SHC4: variants seen among roughly 807,000 people sequenced by gnomAD.
SHC4 encodes the protein SHC adaptor protein 4, also known as SHC-transforming protein 4.
SHC4 carries 41 observed loss-of-function variants against 69.4 expected under a neutral mutation model. The observed-to-expected ratio is 0.59, with a 90% CI of 0.46 to 0.77. The LOEUF (loss-of-function observed/expected upper bound fraction) is 0.77, where lower values mean the gene tolerates loss of function less well. Among genes scored for constraint, SHC4 ranks in the 30% least tolerant of loss-of-function variants. The pLI is 0.00. For missense variants in SHC4, 777 were observed against 783.8 expected (o/e 0.99, Z 0.10); for synonymous variants, 318 against 299.3 (o/e 1.06, Z -0.64).
At chr15:48,894,359 A>G (rs777127440) in intron 2 of SHC4, among the ~76,000 whole-genome samples, 1 of 152,186 alleles carries the variant, frequency 6.6e-6, no homozygotes, top group Non-Finnish European at 1.5e-5. Flanking sequence ...TTCATTGTGC[A>G]CTTGATCGGA....
At chr15:48,934,034 T>C (rs2141029682) in intron 1 of SHC4, among the ~76,000 whole-genome samples, 1 of 152,270 alleles carries the variant, frequency 6.6e-6, no homozygotes, top group Non-Finnish European at 1.5e-5. Flanking sequence ...AATGGTTTCT[T>C]AGATATGACA....
At chr15:48,940,965 A>C (rs1901164614) in intron 1 of SHC4, among the ~76,000 whole-genome samples, 1 of 152,226 alleles carries the variant, frequency 6.6e-6, no homozygotes, top group Non-Finnish European at 1.5e-5. Flanking sequence ...TTTTACATGA[A>C]ACACAAGAGT....
At chr15:48,854,278 T>TCA (rs1899270026) in intron 8 of SHC4, among the ~76,000 whole-genome samples, 1 of 149,758 alleles carries the variant, frequency 6.7e-6, no homozygotes, top group Non-Finnish European at 1.5e-5. Context: ...ATATCACATA[T>TCA]CATATCAGAA....
chr15:48,869,929 G>A (rs970476760), intron 5 of SHC4, among the ~76,000 whole-genome samples: 3 of 152,094 alleles, frequency 2.0e-5, no homozygotes, highest in African/African-American at 7.2e-5. Context: ...TTTAATGTTT[G>A]TTTTTTATAG....
chr15:48,837,214 G>A (rs1000464900), intron 10 of SHC4, among the ~76,000 whole-genome samples: 29 of 152,196 alleles, frequency 1.9e-4, no homozygotes, highest in African/African-American at 6.0e-4. Flanking sequence ...GCAACGGATC[G>A]TGGGCCAACC....
chr15:48,831,697 T>C (rs937848086), intron 11 of SHC4, among the ~76,000 whole-genome samples: 6 of 152,218 alleles, frequency 3.9e-5, no homozygotes, highest in Admixed American at 2.6e-4. Flanking sequence ...CATTGTTAAG[T>C]GATATATGAC....
chr15:48,854,370 T>C (rs1361836161), intron 8 of SHC4, among the ~76,000 whole-genome samples: 1 of 152,224 alleles, frequency 6.6e-6, no homozygotes, highest in Non-Finnish European at 1.5e-5. Flanking sequence ...TTGGTAGGAA[T>C]GTAAACTAGT....
intron 1 of SHC4, among the ~76,000 whole-genome samples, chr15:48,932,839 G>A (rs1346035312): frequency 6.6e-6 from 1 of 151,966 alleles, no homozygotes; most frequent in African/African-American, 2.4e-5. Context: ...TAGCAAGAAT[G>A]GTGTCTGTTT....
At chr15:48,922,783 A>G (rs1450288956) in intron 2 of SHC4, among the ~76,000 whole-genome samples, 1 of 152,228 alleles carries the variant, frequency 6.6e-6, no homozygotes, top group Non-Finnish European at 1.5e-5. Flanking sequence ...CAGGATTGGA[A>G]GAAAAAATGT....
At chr15:48,863,205 G>A (rs1016298387) in intron 6 of SHC4, among the ~76,000 whole-genome samples, 2 of 151,938 alleles carry the variant, frequency 1.3e-5, no homozygotes, top group African/African-American at 4.8e-5. Flanking sequence ...AAGGCACCAA[G>A]AAGAAATAAA....
chr15:48,945,426 T>C (rs1261962851), intron 1 of SHC4, among the ~76,000 whole-genome samples: 2 of 152,132 alleles, frequency 1.3e-5, no homozygotes, highest in Non-Finnish European at 2.9e-5. Flanking sequence ...TGAATGTTCA[T>C]TATAGCACTA....
chr15:48,851,183 C>G lies in SHC4; in HGVS notation c.1303+5G>C. 6.2e-7 allele frequency: 1 copy of G among 1,613,582 alleles called. No homozygotes were observed. The highest frequency in any genetic ancestry group is 8.5e-7 in the Non-Finnish European group (1 of 1,179,610). ...GTGGCAGATGGAGAAGGGCATTGTA[C>G]CTACCTATTGCCCTGCTTTGTTCTA... is the stretch of plus-strand genomic sequence containing the variant. On this transcript the variant is annotated splice_donor_5th_base_variant and intron_variant, in intron 9 of 11. Transcript: ENST00000332408.
At chr15:48,880,424 ATTAG>A in intron 4 of SHC4, among the ~76,000 whole-genome samples, 1 of 152,266 alleles carries the variant, frequency 6.6e-6, no homozygotes, top group Admixed American at 6.5e-5. Context: ...GATGATGTAA[ATTAG>A]TGTGGGTGGG....
chr15:48,963,248 C>G lies in SHC4; in HGVS notation c.-233G>C. 1 of 489,580 alleles carries G rather than the reference C, an allele frequency of 2.0e-6. No individual in the cohort carries two copies. The highest frequency in any genetic ancestry group is 4.0e-5 in the South Asian group (1 of 25,298). 30.3% of individuals were successfully genotyped at this position (489,580 alleles called of 1,614,324 possible). A position where few individuals can be genotyped will look rare whatever the true frequency, so the allele number is the denominator to read the frequency against. ...TCTCTCCCTGGCCCAGGCAGAGGCA[C>G]CAGTGTTCTCGCCTTGGAATCCTTG... On this transcript the variant is annotated 5_prime_UTR_variant, in exon 1 of 12. Transcript: ENST00000332408.
chr15:48,848,907 T>C (rs899252765), intron 9 of SHC4, among the ~76,000 whole-genome samples: 1 of 152,052 alleles, frequency 6.6e-6, no homozygotes, highest in Non-Finnish European at 1.5e-5. Context: ...TTTCTAGTGG[T>C]AGTATTGTGA....
chr15:48,919,748 G>A (rs983842897), intron 2 of SHC4, among the ~76,000 whole-genome samples: 2 of 151,954 alleles, frequency 1.3e-5, no homozygotes, highest in African/African-American at 2.4e-5. Context: ...CCTCTCCTTA[G>A]ATAGGACTTC....
At chr15:48,843,663 G>A (rs553354349) in intron 9 of SHC4, 75 bp from the exon 10 acceptor site, 128 of 1,390,268 alleles carry the variant, frequency 9.2e-5, no homozygotes, top group Non-Finnish European at 1.1e-5. Flanking sequence ...TTTGAGTCTA[G>A]AATTGATAGA....
chr15:48,950,947 C>G (rs1901356006), intron 1 of SHC4, among the ~76,000 whole-genome samples: 2 of 152,066 alleles, frequency 1.3e-5, no homozygotes, highest in African/African-American at 2.4e-5. Context: ...TGACCAACCT[C>G]TCTCTCCTGG....
chr15:48,941,130 G>A (rs868581625), intron 1 of SHC4, among the ~76,000 whole-genome samples: 4 of 152,122 alleles, frequency 2.6e-5, no homozygotes, highest in Non-Finnish European at 4.4e-5. Flanking sequence ...GCATTTAAAG[G>A]GAAGGCAGAG....
Sources: allele counts gnomAD v4.1 joint callset (sites outside exome capture counted in the v4.1 genomes callset), GRCh38; gene constraint gnomAD v4.1.1; transcripts MANE v1.5; gene names NCBI Gene and HGNC (gene_info 2026-07-23, HGNC 2026-07-21).